STK38L: variants seen among roughly 807,000 people sequenced by gnomAD.
STK38L encodes the protein serine/threonine-protein kinase 38-like.
A neutral mutation model predicts 59.7 loss-of-function variants in STK38L; 28 were observed. The ratio of observed to expected loss-of-function variants is 0.47; its 90% CI spans 0.35 to 0.64. The LOEUF (loss-of-function observed/expected upper bound fraction) is 0.64, where lower values mean the gene tolerates loss of function less well. Ranked by LOEUF, STK38L falls within the 30% of genes least tolerant of loss-of-function variation. The pLI, the probability that STK38L is intolerant of heterozygous loss-of-function variation, is 0.01. For missense variants in STK38L, 314 were observed against 555.8 expected, an observed-to-expected ratio of 0.56 and a Z score of 4.37; for synonymous variants, 162 against 176.8, an observed-to-expected ratio of 0.92 and a Z score of 0.66.
At chr12:27,310,716 T>A (rs979105073) in intron 5 of STK38L, among the ~76,000 whole-genome samples, 1 of 152,232 alleles carries the variant, frequency 6.6e-6, no homozygotes, top group African/African-American at 2.4e-5. Context: ...CATACATGAC[T>A]TGTGTTACAT....
chr12:27,320,560 G>A (rs1335989916), intron 12 of STK38L, among the ~76,000 whole-genome samples: 1 of 148,418 alleles, frequency 6.7e-6, no homozygotes, highest in Non-Finnish European at 1.5e-5. Context: ...CCAAAGTGCT[G>A]GGATTACAGG....
intron 1 of STK38L, among the ~76,000 whole-genome samples, chr12:27,284,616 A>G (rs1042549554): frequency 6.6e-6 from 1 of 152,200 alleles, no homozygotes; most frequent in Non-Finnish European, 1.5e-5. Flanking sequence ...CAGTGTGCTT[A>G]CTTGAATTAC....
intron 2 of STK38L, among the ~76,000 whole-genome samples, chr12:27,300,216 C>G (rs887553994): frequency 2.0e-5 from 3 of 152,118 alleles, no homozygotes; most frequent in Non-Finnish European, 4.4e-5. Context: ...AAAGCTTATA[C>G]TTTTAAGAAA....
chr12:27,267,219 A>G (rs1210641954), intron 1 of STK38L, among the ~76,000 whole-genome samples: 2 of 152,304 alleles, frequency 1.3e-5, no homozygotes, highest in Admixed American at 6.5e-5. Context: ...CTTGTGTCAC[A>G]TATGAGAATA....
In STK38L at chr12:27,263,404, C is replaced by G. The variant is rs181004394; in HGVS notation, c.-12+19072C>G. 4.4e-3 allele frequency among the ~76,000 whole-genome samples: 664 copies of G among 152,178 alleles called. 5 individuals carry two copies. The highest frequency in any genetic ancestry group is 0.012 in the Admixed American group (186 of 15,292). On this transcript the variant is annotated intron_variant, in intron 1 of 13. Coordinates refer to ENST00000389032, the MANE Select transcript of STK38L (RefSeq NM_015000.4). ...ATTCACTCCAGTTAAAGAACTCTTTCAAAAGACCTCATGCCTGGTCTCATG... is the reference window on the plus strand; with the variant it reads ...ATTCACTCCAGTTAAAGAACTCTTTGAAAAGACCTCATGCCTGGTCTCATG...
chr12:27,278,645 G>A (rs11048962), intron 1 of STK38L, among the ~76,000 whole-genome samples: 14,278 of 152,082 alleles, frequency 0.094, 1,159 homozygotes, highest in African/African-American at 0.23. Context: ...TAAGTGTCTT[G>A]CAAATACTAT....
At chr12:27,250,171 T>C (rs1471300269) in intron 1 of STK38L, among the ~76,000 whole-genome samples, 3 of 152,350 alleles carry the variant, frequency 2.0e-5, no homozygotes, top group Admixed American at 6.5e-5. Flanking sequence ...CACACATTAA[T>C]GCCTACTTTT....
At chr12:27,261,642 C>A (rs1943206506) in intron 1 of STK38L, among the ~76,000 whole-genome samples, 1 of 152,166 alleles carries the variant, frequency 6.6e-6, no homozygotes, top group Non-Finnish European at 1.5e-5. Flanking sequence ...AGCTTAAGGT[C>A]TACTTGATCA....
At chr12:27,272,745 C>T (rs747518432) in intron 1 of STK38L, among the ~76,000 whole-genome samples, 1 of 151,958 alleles carries the variant, frequency 6.6e-6, no homozygotes, top group Non-Finnish European at 1.5e-5. Context: ...CTTTCAAAAC[C>T]TCTTTCCCCC....
chr12:27,245,251 A>T (rs985823395), intron 1 of STK38L, among the ~76,000 whole-genome samples: 8 of 152,220 alleles, frequency 5.3e-5, no homozygotes, highest in Non-Finnish European at 1.0e-4. Context: ...GATAAAATGC[A>T]GAACCAACAC....
rs1410623969 is a variant in STK38L at position 27,322,572 on chromosome 12, C to T, written c.*117C>T. 10 of 1,364,628 alleles carry T rather than the reference C, an allele frequency of 7.3e-6. No individual in the cohort carries two copies. Among genetic ancestry groups the T allele is most frequent in the Admixed American group, 2.6e-5 (1 of 38,430 alleles). The allele number at this position is 1,364,628 out of a possible 1,614,324, so 84.5% of individuals were successfully genotyped here. A position where few individuals can be genotyped will look rare whatever the true frequency, so the allele number is the denominator to read the frequency against. ...TGAAGATGGTGGTGCTTATTGACTA[C>T]AAGAGGAAATTCTACAGGATTAGGA... On this transcript the variant is annotated 3_prime_UTR_variant, in exon 14 of 14. Transcript: ENST00000389032.
chr12:27,287,493 C>CATATGTAT (rs1943799942), intron 1 of STK38L, among the ~76,000 whole-genome samples: 1 of 152,134 alleles, frequency 6.6e-6, no homozygotes, highest in African/African-American at 2.4e-5. Flanking sequence ...ACAGTATATA[C>CATATGTAT]ATATGTATAT....
At chr12:27,265,501 C>T (rs1487899002) in intron 1 of STK38L, among the ~76,000 whole-genome samples, 3 of 152,156 alleles carry the variant, frequency 2.0e-5, no homozygotes, top group Admixed American at 6.6e-5. Flanking sequence ...TTCTGTGAAA[C>T]ACATACTCTT....
rs374490051 is a variant in STK38L, at chr12:27,322,133, C to T, written c.1176-10C>T. On this transcript the variant is annotated splice_polypyrimidine_tract_variant and intron_variant, in intron 12 of 13. Transcript: ENST00000389032. ...AAAAGTTACCATGCATACTTAATAC[C>T]TTTTTATAGGGAAAGGCCAGCAGCA... 2 of 1,608,986 alleles carry T rather than the reference C, an allele frequency of 1.2e-6. No individual in the cohort carries two copies. The highest frequency in any genetic ancestry group is 1.3e-5 in the African/African-American group (1 of 74,598).
intron 3 of STK38L, among the ~76,000 whole-genome samples, chr12:27,307,701 C>T (rs1003498676): frequency 2.0e-5 from 3 of 152,098 alleles, no homozygotes; most frequent in Non-Finnish European, 4.4e-5. Context: ...AGGTATTTCA[C>T]AGTATTGCTT....
At chr12:27,277,852 G>A (rs1943571100) in intron 1 of STK38L, among the ~76,000 whole-genome samples, 1 of 151,992 alleles carries the variant, frequency 6.6e-6, no homozygotes, top group African/African-American at 2.4e-5. Context: ...AAAAATTTCT[G>A]ACTCAGTAAT....
chr12:27,293,757 A>G (rs1765156455), intron 1 of STK38L: 1 of 152,214 alleles, frequency 6.6e-6, no homozygotes, highest in Admixed American at 6.5e-5. Context: ...TCTGTGAGTC[A>G]TGTGTTATTT....
intron 1 of STK38L, among the ~76,000 whole-genome samples, chr12:27,269,558 C>G (rs1201850099): frequency 6.6e-6 from 1 of 152,066 alleles, no homozygotes; most frequent in African/African-American, 2.4e-5. Flanking sequence ...GTAGCATGAG[C>G]CCTCCAGCTT....
At chr12:27,260,017 T>G (rs1450649061) in intron 1 of STK38L, among the ~76,000 whole-genome samples, 1 of 152,216 alleles carries the variant, frequency 6.6e-6, no homozygotes, top group Non-Finnish European at 1.5e-5. Context: ...AATCTTTTTG[T>G]TGTGACTAGA....
Sources: gnomAD v4.1 joint callset for allele counts (sites outside exome capture counted in the v4.1 genomes callset) on GRCh38, gnomAD v4.1.1 for gene constraint, MANE v1.5 for transcripts, NCBI Gene and HGNC (gene_info 2026-07-23, HGNC 2026-07-21) for gene names.